Variants in CTDP1 observed in about 807,000 individuals in gnomAD.
The protein encoded by CTDP1 is RNA polymerase II subunit A C-terminal domain phosphatase.
Under a neutral mutation model 91.8 loss-of-function variants are expected in CTDP1, and 47 were observed. That is an observed-to-expected ratio of 0.51 (90% CI 0.41 to 0.65). CTDP1 has a LOEUF of 0.65. Among genes scored for constraint, CTDP1 ranks in the 30% least tolerant of loss-of-function variants. The pLI is 0.00. For missense variants in CTDP1, 1,272 were observed against 1,373.7 expected (o/e 0.93, Z 1.17); for synonymous variants, 656 against 598.5 (o/e 1.10, Z -1.40).
At chr18:79,718,767 C>T (rs2086272295) in intron 10 of CTDP1, among the ~76,000 whole-genome samples, 1 of 152,104 alleles carries the variant, frequency 6.6e-6, no homozygotes, top group South Asian at 2.1e-4. Flanking sequence ...AAGTTCAACT[C>T]AATTAAACTT....
chr18:79,715,451 G>C lies in CTDP1; in HGVS notation c.1991G>C (p.Gly664Ala), dbSNP rs2086186707. The C allele has an allele frequency of 6.3e-7, 1 of 1,591,048 alleles. No individual in the cohort carries two copies. Among genetic ancestry groups the C allele is most frequent in the Admixed American group, 1.8e-5 (1 of 56,978 alleles). Reference protein sequence around the residue: ...TREHYHATALGAKILTRLVLS... With the variant: ...TREHYHATALAAKILTRLVLS... Reference sequence around the variant, plus strand: ...GAGCATTACCACGCCACGGCGCTGGGAGCGAAGATCCTCACTCGGCTGGTG... The same window carrying C: ...GAGCATTACCACGCCACGGCGCTGGCAGCGAAGATCCTCACTCGGCTGGTG... Residue 664 changes from glycine (G) to alanine (A), a missense_variant, in exon 8 of 13, where the codon GGA becomes GCA. By Grantham distance (60) the Gly-to-Ala change is moderately conservative (BLOSUM62 0). Transcript: ENST00000613122.
At position 79,697,981 on chromosome 18, in the gene CTDP1, C is replaced by T. The variant is rs1434344773; in HGVS notation, c.614C>T (p.Ser205Leu). The T allele has an allele frequency of 1.9e-6, 3 of 1,614,164 alleles. No individual in the cohort carries two copies. Among genetic ancestry groups the T allele is most frequent in the South Asian group, 1.1e-5 (1 of 91,070 alleles). ...ACCGAGCAGCACTGTCAGCAGATGT[C>T]GAATAAAGTGAGTGCAGTCAGCATC... ...HTTEQHCQQM[S>L]NKGIFHFQLG... is the part of the protein sequence containing the mutation. The change falls in exon 4 of 13, where the codon TCG becomes TTG. Residue 205 changes from serine (S) to leucine (L), a missense_variant. Ser to Leu is a moderately radical substitution (Grantham distance 145, BLOSUM62 -2). Coordinates refer to ENST00000613122, the MANE Select transcript of CTDP1 (RefSeq NM_004715.5).
At chr18:79,710,737 G>A (rs1486161786) in intron 6 of CTDP1, among the ~76,000 whole-genome samples, 1 of 124,424 alleles carries the variant, frequency 8.0e-6, no homozygotes, top group African/African-American at 3.1e-5. Context: ...AGTACAGACG[G>A]TGGTTTCACT....
chr18:79,721,722 C>T lies in CTDP1; in HGVS notation c.2417+3706C>T, dbSNP rs188289573. 4.8e-3 allele frequency among the ~76,000 whole-genome samples: 737 copies of T among 152,232 alleles called. 9 individuals are homozygous for T. The highest frequency in any genetic ancestry group is 0.017 in the African/African-American group (708 of 41,514). ...GAGCTGTGATCGCACCCCTGCGCTT[C>T]ATCCTGGGCCACAGGGTGAGAGCCT... On this transcript the variant is annotated intron_variant, in intron 10 of 12. Coordinates refer to ENST00000613122, the MANE Select transcript of CTDP1 (RefSeq NM_004715.5).
intron 11 of CTDP1, among the ~76,000 whole-genome samples, chr18:79,733,358 C>T (rs116423276): frequency 5.5e-4 from 84 of 152,332 alleles, no homozygotes; most frequent in African/African-American, 1.9e-3. Context: ...ACCCATGTGT[C>T]GGTCCCCCTG....
intron 1 of CTDP1, among the ~76,000 whole-genome samples, chr18:79,681,814 A>C (rs1213410492): frequency 6.6e-6 from 1 of 152,186 alleles, no homozygotes. Context: ...CATGGGCGGC[A>C]GGTAAATCCT....
At chr18:79,745,343 G>GCGTCCCTCCCGTGCGCGTTCTGAC (rs1568219345) in intron 12 of CTDP1, among the ~76,000 whole-genome samples, 1 of 29,444 alleles carries the variant, frequency 3.4e-5, no homozygotes, top group Non-Finnish European at 6.6e-5. Flanking sequence ...CGCGTTCTGT[G>GCGTCCCTCCCGTGCGCGTTCTGAC]CCCGCGTCCC....
intron 3 of CTDP1, among the ~76,000 whole-genome samples, chr18:79,696,722 T>G (rs2085756807): frequency 6.6e-6 from 1 of 152,024 alleles, no homozygotes; most frequent in Non-Finnish European, 1.5e-5. Flanking sequence ...ACGTGCCCAG[T>G]TAAGAGTGAG....
chr18:79,701,952 G>T (rs2085868568), intron 4 of CTDP1, among the ~76,000 whole-genome samples: 2 of 152,234 alleles, frequency 1.3e-5, no homozygotes, highest in South Asian at 4.1e-4. Context: ...TCTTACGGAT[G>T]AGCAAAGAAA....
chr18:79,719,210 T>C (rs1037175474), intron 10 of CTDP1, among the ~76,000 whole-genome samples: 2 of 152,214 alleles, frequency 1.3e-5, no homozygotes, highest in Admixed American at 1.3e-4. Context: ...TTTTGTCTTT[T>C]ACGATTCTGG....
At chr18:79,720,484 G>C (rs987834235) in intron 10 of CTDP1, among the ~76,000 whole-genome samples, 1 of 149,620 alleles carries the variant, frequency 6.7e-6, no homozygotes. Context: ...GGGCGTCCTC[G>C]TGATGATGTC....
intron 2 of CTDP1, among the ~76,000 whole-genome samples, chr18:79,695,765 T>C (rs998839397): frequency 1.3e-5 from 2 of 152,216 alleles, no homozygotes; most frequent in Non-Finnish European, 2.9e-5. Context: ...TATGGCTCTG[T>C]GTGTTCATGA....
intron 7 of CTDP1, among the ~76,000 whole-genome samples, 177 bp from the exon 8 acceptor site, chr18:79,714,314 C>T (rs2086147591): frequency 6.6e-6 from 1 of 152,240 alleles, no homozygotes; most frequent in African/African-American, 2.4e-5. Flanking sequence ...CCTGGTCCCA[C>T]GCACTTCAGG....
chr18:79,682,781 A>G (rs2085401884), intron 1 of CTDP1, among the ~76,000 whole-genome samples: 1 of 152,168 alleles, frequency 6.6e-6, no homozygotes, highest in Admixed American at 6.5e-5. Flanking sequence ...CGTGAGAATG[A>G]GGGACTGATT....
Position 79,715,336 on chromosome 18 carries a change from G to A in CTDP1, c.1876G>A (p.Val626Met), listed in dbSNP as rs761839272. 8.7e-6 allele frequency: 14 copies of A among 1,608,872 alleles called. No individual in the cohort carries two copies. The highest frequency in any genetic ancestry group is 1.1e-5 in the South Asian group (1 of 90,016). ...IEEAPDIRKI[V>M]PELKSKVLAD... ...GGAGGCGCCGGACATCCGCAAGATC[G>A]TGCCGGAGCTCAAGAGCAAGGTGCT... The change falls in exon 8 of 13, where the codon GTG becomes ATG. Residue 626 changes from valine (V) to methionine (M), a missense_variant. Around this residue, in one of 3 missense-constraint regions of CTDP1, gnomAD observed 881 missense variants for 911.6 expected, o/e 0.97. Coordinates refer to ENST00000613122, the MANE Select transcript of CTDP1 (RefSeq NM_004715.5).
At chr18:79,721,718 G>A (rs112560938) in intron 10 of CTDP1, among the ~76,000 whole-genome samples, 4,323 of 152,032 alleles carry the variant, frequency 0.028, 215 homozygotes, top group African/African-American at 0.099. Flanking sequence ...GCACCCCTGC[G>A]CTTCATCCTG....
intron 3 of CTDP1, among the ~76,000 whole-genome samples, 190 bp downstream of exon 3, chr18:79,696,260 C>T (rs1175821710): frequency 6.6e-6 from 1 of 152,148 alleles, no homozygotes; most frequent in Non-Finnish European, 1.5e-5. Flanking sequence ...CTTGGTTCTC[C>T]ACAGACAAGT....
At chr18:79,734,233 G>C (rs1308746225) in intron 11 of CTDP1, among the ~76,000 whole-genome samples, 2 of 152,222 alleles carry the variant, frequency 1.3e-5, no homozygotes, top group East Asian at 3.9e-4. Context: ...TTTTCAGCCT[G>C]TGATGGGCTC....
At chr18:79,711,806 G>A (rs558307915) in intron 6 of CTDP1, among the ~76,000 whole-genome samples, 21 of 152,088 alleles carry the variant, frequency 1.4e-4, no homozygotes, top group East Asian at 1.9e-4. Context: ...CCGCCCCTCC[G>A]CAAAGACTTT....
Sources: gnomAD v4.1 joint callset for allele counts (sites outside exome capture counted in the v4.1 genomes callset) on GRCh38, gnomAD v4.1.1 for gene constraint, gnomAD v4.1.1 regional missense constraint, MANE v1.5 for transcripts, NCBI Gene and HGNC (gene_info 2026-07-23, HGNC 2026-07-21) for gene names.